MACROD1: variants seen among roughly 807,000 people sequenced by gnomAD.
MACROD1 encodes the protein ADP-ribose glycohydrolase MACROD1.
Under a neutral mutation model 41.4 loss-of-function variants are expected in MACROD1, and 31 were observed. That is an observed-to-expected ratio of 0.75 (90% CI 0.56 to 1.01). The LOEUF is 1.01. MACROD1 is among the 50% of genes least tolerant of loss of function. The pLI, the probability that MACROD1 is intolerant of heterozygous loss-of-function variation, is 0.00. For synonymous variants in MACROD1, 252 were observed against 203.4 expected (o/e 1.24, Z -2.03); for missense variants, 473 against 460.0 (o/e 1.03, Z -0.26).
intron 3 of MACROD1, among the ~76,000 whole-genome samples, chr11:64,045,282 A>G (rs1943562923): frequency 6.6e-6 from 1 of 152,222 alleles, no homozygotes; most frequent in African/African-American, 2.4e-5. Flanking sequence ...GTCACAGAGC[A>G]ATCTCCATTA....
At chr11:64,018,799 T>G (rs1223318183) in intron 3 of MACROD1, among the ~76,000 whole-genome samples, 1 of 152,102 alleles carries the variant, frequency 6.6e-6, no homozygotes, top group Non-Finnish European at 1.5e-5. Flanking sequence ...GAGATGCAGG[T>G]GGGCCCAGGA....
intron 3 of MACROD1, among the ~76,000 whole-genome samples, chr11:64,136,310 G>A (rs1326131740): frequency 1.3e-5 from 2 of 152,230 alleles, no homozygotes; most frequent in African/African-American, 2.4e-5. Flanking sequence ...GATACATAGG[G>A]AAAAGATCTG....
intron 3 of MACROD1, among the ~76,000 whole-genome samples, chr11:64,092,660 C>T (rs978249588): frequency 6.6e-5 from 10 of 152,244 alleles, no homozygotes; most frequent in Non-Finnish European, 1.2e-4. Context: ...CAGCCACCAG[C>T]TGGGTACCAG....
rs1476563460 is a variant in MACROD1 at position 64,036,118 on chromosome 11, CAA to C, written c.518-20839_518-20838del. 4.6e-5 allele frequency: 7 copies of C among 152,044 alleles called. No homozygotes were observed. The highest frequency in any genetic ancestry group is 1.2e-4 in the African/African-American group (5 of 41,498). The allele number at this position is 152,044 out of a possible 1,614,324, so 9.4% of individuals were successfully genotyped here. A position where few individuals can be genotyped will look rare whatever the true frequency, so the allele number is the denominator to read the frequency against. On this transcript the variant is annotated intron_variant, in intron 3 of 10. Transcript: ENST00000255681. The surrounding 1 kb of genome is among the most constrained non-coding windows in gnomAD (Gnocchi z 5.6). ...ACCCCTGAGGCTCCAGCCGTCACCG[CAA>C]AGTTTCCCGAGGAGACCCGCCTCCC...
chr11:64,092,556 G>A (rs1293654940), intron 3 of MACROD1, among the ~76,000 whole-genome samples: 2 of 152,222 alleles, frequency 1.3e-5, no homozygotes, highest in Non-Finnish European at 2.9e-5. Context: ...GTCATGACAC[G>A]TGCCTTCCCA....
At chr11:64,045,330 A>G (rs1943563868) in intron 3 of MACROD1, among the ~76,000 whole-genome samples, 1 of 152,208 alleles carries the variant, frequency 6.6e-6, no homozygotes, top group Non-Finnish European at 1.5e-5. Flanking sequence ...CTGGAATCCT[A>G]TTAAAAGCTT....
chr11:64,059,636 T>C (rs886238412), intron 3 of MACROD1, among the ~76,000 whole-genome samples: 34 of 152,232 alleles, frequency 2.2e-4, no homozygotes, highest in African/African-American at 7.9e-4. Flanking sequence ...CTTGGATGGA[T>C]GGTGGGCCAG....
intron 3 of MACROD1, among the ~76,000 whole-genome samples, chr11:64,101,651 C>T (rs1183886938): frequency 6.6e-6 from 1 of 152,190 alleles, no homozygotes; most frequent in Admixed American, 6.5e-5. Flanking sequence ...GATGAAATCA[C>T]GCGGGTGGTA....
Position 64,166,076 on chromosome 11 carries a change from G to C in MACROD1, c.-82C>G. The C allele has an allele frequency of 4.1e-6, 5 of 1,225,944 alleles. No individual in the cohort carries two copies. The highest frequency in any genetic ancestry group is 5.1e-6 in the Non-Finnish European group (5 of 983,322). 75.9% of individuals were successfully genotyped at this position (1,225,944 alleles called of 1,614,324 possible). On this transcript the variant is annotated 5_prime_UTR_variant, in exon 1 of 11. Transcript: ENST00000255681. Reference sequence around the variant, plus strand: ...GAGTGTCTCTCCCTTATTTACTCTGGGACCGGGTGGCGACTGCCAGCCAGC... The same window carrying C: ...GAGTGTCTCTCCCTTATTTACTCTGCGACCGGGTGGCGACTGCCAGCCAGC...
intron 4 of MACROD1, among the ~76,000 whole-genome samples, chr11:64,014,493 C>T (rs928228205): frequency 6.6e-6 from 1 of 152,260 alleles, no homozygotes; most frequent in Non-Finnish European, 1.5e-5. Flanking sequence ...GTAAACACGG[C>T]CCCCGGGATT....
intron 4 of MACROD1, among the ~76,000 whole-genome samples, chr11:64,005,873 G>A (rs1942902692): frequency 6.6e-6 from 1 of 152,206 alleles, no homozygotes; most frequent in South Asian, 2.1e-4. Flanking sequence ...GTTTGAGGGA[G>A]GGGTGTGTCT....
intron 3 of MACROD1, among the ~76,000 whole-genome samples, chr11:64,017,802 T>C (rs753069444): frequency 6.6e-6 from 1 of 151,406 alleles, no homozygotes; most frequent in Non-Finnish European, 1.5e-5. Flanking sequence ...ATCACCTCTC[T>C]CTCTTAATTA....
chr11:64,027,867 G>A (rs961455092), intron 3 of MACROD1, among the ~76,000 whole-genome samples: 1 of 152,252 alleles, frequency 6.6e-6, no homozygotes, highest in Non-Finnish European at 1.5e-5. Flanking sequence ...GGAACTGGAA[G>A]AAGGTGGCAC....
intron 3 of MACROD1, among the ~76,000 whole-genome samples, chr11:64,050,273 A>T (rs1943668234): frequency 6.6e-6 from 1 of 152,070 alleles, no homozygotes; most frequent in Non-Finnish European, 1.5e-5. Context: ...CCGAGAGATG[A>T]GTGGCTCCCC....
chr11:64,148,694 T>C (rs1945530794), intron 3 of MACROD1: 2 of 976,990 alleles, frequency 2.0e-6, no homozygotes, highest in Non-Finnish European at 2.4e-6. Flanking sequence ...ATTAAGCACA[T>C]ATGGGTTTCA....
intron 3 of MACROD1, among the ~76,000 whole-genome samples, chr11:64,016,833 C>T (rs553121116): frequency 6.6e-6 from 1 of 152,104 alleles, no homozygotes; most frequent in African/African-American, 2.4e-5. Flanking sequence ...GAGCCGAAGC[C>T]GGAGCTGGAG....
chr11:64,100,653 G>A (rs866049428), intron 3 of MACROD1, among the ~76,000 whole-genome samples: 1 of 152,178 alleles, frequency 6.6e-6, no homozygotes, highest in African/African-American at 2.4e-5. Context: ...GGCTACTAAT[G>A]ATCATCATTA....
At chr11:64,039,486 C>G (rs547352081) in intron 3 of MACROD1, among the ~76,000 whole-genome samples, 1 of 152,154 alleles carries the variant, frequency 6.6e-6, no homozygotes, top group Non-Finnish European at 1.5e-5. Flanking sequence ...GGCTGGCCCA[C>G]GAGGCAGCTG....
rs151310156 is a variant in MACROD1, at chr11:64,152,363, C to G, written c.329G>C (p.Arg110Pro). The G allele has an allele frequency of 1.9e-6, 3 of 1,614,252 alleles. No individual in the cohort carries two copies. Among genetic ancestry groups the G allele is most frequent in the Non-Finnish European group, 1.7e-6 (2 of 1,180,046 alleles). ...SFLKGLSDKQ[R>P]EEHYFCKDFV... ...GTCCTTGCAGAAGTAATGTTCCTCC[C>G]GCTGCTTGTCACTCAGGCCCTTCAG... Residue 110 changes from arginine (R) to proline (P), a missense_variant, in exon 2 of 11, where the codon CGG becomes CCG. Transcript: ENST00000255681.
Sources: gnomAD v4.1 joint callset for allele counts (sites outside exome capture counted in the v4.1 genomes callset) on GRCh38, gnomAD v4.1.1 for gene constraint, Gnocchi (gnomAD v3.1) non-coding constraint, MANE v1.5 for transcripts, NCBI Gene and HGNC (gene_info 2026-07-23, HGNC 2026-07-21) for gene names.